The following ATP13A1 variants were observed in gnomAD, a reference collection of about 807,000 sequenced individuals.
ATP13A1 encodes ATPase 13A1.
A neutral mutation model predicts 134.8 loss-of-function variants in ATP13A1; 55 were observed. That is an observed-to-expected ratio of 0.41 (90% CI 0.33 to 0.51). The LOEUF is 0.51. Among genes scored for constraint, ATP13A1 ranks in the 20% least tolerant of loss-of-function variants. The pLI is 0.29. For missense variants in ATP13A1, 1,389 were observed against 1,652.8 expected (o/e 0.84, Z 2.77); for synonymous variants, 775 against 725.1 (o/e 1.07, Z -1.10).
At chr19:19,649,452 C>T (rs1257938306) in intron 19 of ATP13A1, 115 bp downstream of exon 19, 1 of 1,120,082 alleles carries the variant, frequency 8.9e-7, no homozygotes, top group Non-Finnish European at 1.3e-6. Context: ...CTCCCATCCT[C>T]ACAGGAATTA....
In ATP13A1 at chr19:19,659,722, T is replaced by C. The variant is rs1405615935; in HGVS notation, c.556A>G (p.Lys186Glu). 1 of 1,613,958 alleles carries C rather than the reference T, an allele frequency of 6.2e-7. No homozygotes were observed. Among genetic ancestry groups the C allele is most frequent in the Non-Finnish European group, 8.5e-7 (1 of 1,179,880 alleles). The change falls in exon 3 of 26, where the codon AAG becomes GAG. Residue 186 changes from lysine to glutamate, a missense_variant. This residue lies in a region of ATP13A1 where 293 missense variants were observed against 270.8 expected (regional missense o/e 1.08). Transcript: ENST00000357324. ...KIKYSYDALE[K>E]KQFLPVAFPV... ...AAGGCCACGGGGAGAAACTGCTTCT[T>C]CTCCAGGGCATCGTAGGAATACTTG... is the stretch of plus-strand genomic sequence containing the variant.
At chr19:19,663,107 G>T in intron 1 of ATP13A1, 164 bp downstream of exon 1, 2 of 1,002,878 alleles carry the variant, frequency 2.0e-6, no homozygotes, top group Non-Finnish European at 3.1e-6. Context: ...GTCAGCAGTG[G>T]GGTCATGATT....
At chr19:19,646,482 T>C in intron 22 of ATP13A1, 135 bp from the exon 23 acceptor site, 1 of 1,078,608 alleles carries the variant, frequency 9.3e-7, no homozygotes, top group Non-Finnish European at 1.3e-6. Context: ...GGGGATTCCA[T>C]GGGTCAGCAC....
At position 19,656,551 on chromosome 19, in the gene ATP13A1, C is replaced by A; in HGVS notation, c.1083+109G>T. 4.2e-6 allele frequency: 5 copies of A among 1,204,006 alleles called. No homozygotes were observed. Among genetic ancestry groups the A allele is most frequent in the Non-Finnish European group, 4.7e-6 (4 of 853,254 alleles). 74.6% of individuals were successfully genotyped at this position (1,204,006 alleles called of 1,614,324 possible). A position where few individuals can be genotyped will look rare whatever the true frequency, so the allele number is the denominator to read the frequency against. Reference sequence around the variant, plus strand: ...TCCACAGAGCTCATCTGTGCCCACACTGCCTCCTCCGCCTGTGCCTGAGGG... The same window carrying A: ...TCCACAGAGCTCATCTGTGCCCACAATGCCTCCTCCGCCTGTGCCTGAGGG... On this transcript the variant is annotated intron_variant, in intron 7 of 25. Coordinates refer to ENST00000357324, the MANE Select transcript of ATP13A1 (RefSeq NM_020410.3). This position sits in a 1 kb window ranked among gnomAD's most constrained non-coding sequence, Gnocchi z 4.6.
Position 19,659,602 on chromosome 19 carries a change from T to C in ATP13A1, c.676A>G (p.Lys226Glu). 1.2e-6 allele frequency: 2 copies of C among 1,609,438 alleles called. No individual in the cohort carries two copies. The highest frequency in any genetic ancestry group is 1.7e-6 in the Non-Finnish European group (2 of 1,176,082). The change falls in exon 3 of 26, where the codon AAG becomes GAG. Residue 226 changes from lysine to glutamate, a missense_variant and splice_region_variant. Lys to Glu is a moderately conservative substitution (Grantham distance 56, BLOSUM62 1). This residue lies in a region of ATP13A1 where 747 missense variants were observed against 956.1 expected (regional missense o/e 0.78). Coordinates refer to ENST00000357324, the MANE Select transcript of ATP13A1 (RefSeq NM_020410.3). ...GCTACAGGCAAATCAAGGACTCACTTGTTGCTCCCAAATTTCTTCTCAGCT... is the reference window on the plus strand; with the variant it reads ...GCTACAGGCAAATCAAGGACTCACTCGTTGCTCCCAAATTTCTTCTCAGCT... ...RAAEKKFGSNKAEMVVPDFSE... is the reference protein window; with the variant it reads ...RAAEKKFGSNEAEMVVPDFSE...
intron 17 of ATP13A1, 134 bp from the exon 18 acceptor site, chr19:19,650,074 C>T: frequency 1.3e-6 from 1 of 777,354 alleles, no homozygotes; most frequent in South Asian, 1.8e-5. Context: ...CCCAGGTGAC[C>T]CCCAGCCCTT....
At position 19,647,786 on chromosome 19, in the gene ATP13A1, G is replaced by C; in HGVS notation, c.2633-27C>G. Reference sequence around the variant, plus strand: ...TGGGGGGCAGGAGGGTGTCAGACCCGGAGGAGCAGGCTCCACGGAGGGGAA... The same window carrying C: ...TGGGGGGCAGGAGGGTGTCAGACCCCGAGGAGCAGGCTCCACGGAGGGGAA... On this transcript the variant is annotated intron_variant, in intron 19 of 25. Transcript: ENST00000357324. The surrounding 1 kb of genome is among the most constrained non-coding windows in gnomAD (Gnocchi z 4.8). 1 of 1,566,850 alleles carries C rather than the reference G, an allele frequency of 6.4e-7. No homozygotes were observed. Among genetic ancestry groups the C allele is most frequent in the Non-Finnish European group, 8.6e-7 (1 of 1,162,722 alleles).
At chr19:19,648,620 C>T (rs1233536311) in intron 19 of ATP13A1, among the ~76,000 whole-genome samples, 1 of 151,602 alleles carries the variant, frequency 6.6e-6, no homozygotes, top group Non-Finnish European at 1.5e-5. Context: ...ACCAGCCTGG[C>T]CAACATGGTG....
chr19:19,650,199 C>T, intron 17 of ATP13A1: 1 of 570,746 alleles, frequency 1.8e-6, no homozygotes. Context: ...CCTGGGCAGT[C>T]TGACCCCAGC....
Position 19,645,752 on chromosome 19 carries a change from G to C in ATP13A1, c.3399C>G (p.Pro1133=), listed in dbSNP as rs1204213814. The change falls in exon 25 of 26, where the codon CCC becomes CCG. Residue 1133 remains proline, a synonymous_variant. Transcript: ENST00000357324. The surrounding 1 kb of genome is among the most constrained non-coding windows in gnomAD (Gnocchi z 4.1). Reference sequence around the variant, plus strand: ...GTGAAACTGCCAGACTCCACACCAGGGGCTTGTTCTCGGGCAGGCTCTCCA... The same window carrying C: ...GTGAAACTGCCAGACTCCACACCAGCGGCTTGTTCTCGGGCAGGCTCTCCA... The part of the protein sequence containing the change: ...PFMESLPENK[P]LVWSLAVSLL... 2.5e-6 allele frequency: 4 copies of C among 1,608,072 alleles called. No homozygotes were observed. Among genetic ancestry groups the C allele is most frequent in the Non-Finnish European group, 3.4e-6 (4 of 1,177,516 alleles).
In ATP13A1 at chr19:19,654,719, G is replaced by A. The variant is rs1206643176; in HGVS notation, c.1656-19C>T. 1 of 1,603,140 alleles carries A rather than the reference G, an allele frequency of 6.2e-7. No homozygotes were observed. Among genetic ancestry groups the A allele is most frequent in the Non-Finnish European group, 8.5e-7 (1 of 1,175,010 alleles). ...CCCGTCTCTGCAAGGTCGGGGAACA[G>A]CTGGTTACAGAGTGCAGGCGGGTAG... is the stretch of plus-strand genomic sequence containing the variant. On this transcript the variant is annotated intron_variant, in intron 12 of 25. Coordinates refer to ENST00000357324, the MANE Select transcript of ATP13A1 (RefSeq NM_020410.3).
chr19:19,656,926 G>A lies in ATP13A1; in HGVS notation c.907-10C>T. On this transcript the variant is annotated splice_polypyrimidine_tract_variant and intron_variant, in intron 5 of 25. Transcript: ENST00000357324. The surrounding 1 kb of genome is among the most constrained non-coding windows in gnomAD (Gnocchi z 4.6). ...TGCGGCTTCGGTAGACCTGGGCGGG[G>A]CATGGGTGTCAGCACAGAAGCCGCA... 1 of 1,608,682 alleles carries A rather than the reference G, an allele frequency of 6.2e-7. No individual in the cohort carries two copies. Among genetic ancestry groups the A allele is most frequent in the Non-Finnish European group, 8.5e-7 (1 of 1,177,976 alleles).
In ATP13A1 at chr19:19,652,585, C is replaced by A; in HGVS notation, c.2226+10G>T. ...CCATGCAGAGGGTGGAGCCGAGCAC[C>A]GTCCCATACCCGGTGGGACGCATTC... On this transcript the variant is annotated intron_variant, in intron 16 of 25. Coordinates refer to ENST00000357324, the MANE Select transcript of ATP13A1 (RefSeq NM_020410.3). The A allele has an allele frequency of 1.2e-6, 2 of 1,606,018 alleles. No individual in the cohort carries two copies. The highest frequency in any genetic ancestry group is 1.7e-5 in the Admixed American group (1 of 58,938).
intron 1 of ATP13A1, chr19:19,662,077 C>T (rs2062098391): frequency 2.5e-6 from 4 of 1,576,188 alleles, no homozygotes; most frequent in Non-Finnish European, 3.4e-6. Flanking sequence ...AGATCCACCT[C>T]TCCTGGCTGA....
chr19:19,651,070 C>G (rs1187504265), intron 17 of ATP13A1: 1 of 152,196 alleles, frequency 6.6e-6, no homozygotes, highest in Non-Finnish European at 1.5e-5. Context: ...TGGAAGTGAC[C>G]TGGGCAAGTG....
At position 19,653,595 on chromosome 19, in the gene ATP13A1, C is replaced by T. The variant is rs999027565; in HGVS notation, c.2100+189G>A. On this transcript the variant is annotated intron_variant, in intron 15 of 25. Coordinates refer to ENST00000357324, the MANE Select transcript of ATP13A1 (RefSeq NM_020410.3). This position sits in a 1 kb window ranked among gnomAD's most constrained non-coding sequence, Gnocchi z 4.2. ...TGCGTGTGCTCTGCGTGAGCCAGGA[C>T]TGGGTGGGTCCCCACAGCAGTGGAC... 5 of 617,738 alleles carry T rather than the reference C, an allele frequency of 8.1e-6. No individual in the cohort carries two copies. The highest frequency in any genetic ancestry group is 1.1e-5 in the Non-Finnish European group (4 of 353,926). 38.3% of individuals were successfully genotyped at this position (617,738 alleles called of 1,614,324 possible). A position where few individuals can be genotyped will look rare whatever the true frequency, so the allele number is the denominator to read the frequency against.
chr19:19,662,284 TA>T, intron 1 of ATP13A1: 1 of 985,420 alleles, frequency 1.0e-6, no homozygotes, highest in Non-Finnish European at 1.2e-6. Flanking sequence ...CTGGGATAGA[TA>T]AGTCTTTTTG....
chr19:19,662,388 G>A (rs918120964), intron 1 of ATP13A1: 3 of 983,118 alleles, frequency 3.1e-6, no homozygotes, highest in Non-Finnish European at 3.6e-6. Flanking sequence ...TCTTTCTGTA[G>A]CCCTTGATGC....
At chr19:19,661,173 G>C (rs1230755349) in intron 1 of ATP13A1, among the ~76,000 whole-genome samples, 2 of 152,166 alleles carry the variant, frequency 1.3e-5, no homozygotes, top group Non-Finnish European at 2.9e-5. Flanking sequence ...TGCACAGACA[G>C]CACCTAATGC....
Sources: gnomAD v4.1 joint callset for allele counts (sites outside exome capture counted in the v4.1 genomes callset) on GRCh38, gnomAD v4.1.1 for gene constraint, gnomAD v4.1.1 regional missense constraint, Gnocchi (gnomAD v3.1) non-coding constraint, MANE v1.5 for transcripts, NCBI Gene and HGNC (gene_info 2026-07-23, HGNC 2026-07-21) for gene names.